DIAPH2: variants seen among roughly 807,000 people sequenced by gnomAD.
DIAPH2 encodes protein diaphanous homolog 2.
A neutral mutation model predicts 92.7 loss-of-function variants in DIAPH2; 35 were observed. The observed-to-expected ratio is 0.38, with a 90% CI of 0.29 to 0.50. DIAPH2 has a LOEUF of 0.50. Among genes scored for constraint, DIAPH2 ranks in the 20% least tolerant of loss-of-function variants. The pLI is 0.94. For synonymous variants in DIAPH2, 301 were observed against 280.4 expected, an observed-to-expected ratio of 1.07 and a Z score of -0.73; for missense variants, 701 against 819.5, an observed-to-expected ratio of 0.86 and a Z score of 1.77.
chrX:96,742,771 A>T (rs2064127782), intron 3 of DIAPH2, among the ~76,000 whole-genome samples: 1 of 108,874 alleles, frequency 9.2e-6, no homozygotes, highest in Non-Finnish European at 1.9e-5. Flanking sequence ...GGTTCAAACG[A>T]TTCTCGTGCC....
chrX:97,066,006 G>A (rs2147906774), intron 17 of DIAPH2, among the ~76,000 whole-genome samples: 1 of 112,320 alleles, frequency 8.9e-6, no homozygotes, highest in Admixed American at 9.4e-5. Context: ...TGTATTTTAA[G>A]TGTGATTACA....
chrX:97,405,065 A>C (rs7062149), intron 25 of DIAPH2, among the ~76,000 whole-genome samples: 48,813 of 110,963 alleles, frequency 0.44, 8,625 homozygotes, highest in Non-Finnish European at 0.57. Flanking sequence ...TACTGGCTGA[A>C]TCAAGGTTTT....
chrX:96,824,484 T>TA (rs1409845090), intron 4 of DIAPH2, among the ~76,000 whole-genome samples: 204 of 100,766 alleles, frequency 2.0e-3, no homozygotes, highest in African/African-American at 2.0e-3. Context: ...ACTAAGCTCT[T>TA]AAAAAAAAAA....
intron 25 of DIAPH2, among the ~76,000 whole-genome samples, chrX:97,405,029 A>G (rs371107862): frequency 8.9e-6 from 1 of 112,220 alleles, no homozygotes; most frequent in East Asian, 2.8e-4. Flanking sequence ...TAATGAGTGG[A>G]TTTATTTATT....
At chrX:97,310,969 A>AT (rs1320694072) in intron 23 of DIAPH2, among the ~76,000 whole-genome samples, 1 of 111,877 alleles carries the variant, frequency 8.9e-6, no homozygotes, top group Non-Finnish European at 1.9e-5. Flanking sequence ...AGATTGCGCC[A>AT]TTGCACTCCA....
intron 26 of DIAPH2, among the ~76,000 whole-genome samples, chrX:97,520,770 C>T (rs777081613): frequency 1.8e-5 from 2 of 111,950 alleles, no homozygotes; most frequent in East Asian, 5.6e-4. Context: ...GAAAAGAAAA[C>T]ATGTTATGTT....
chrX:96,864,618 A>G (rs1443823718), intron 4 of DIAPH2, among the ~76,000 whole-genome samples: 1 of 111,802 alleles, frequency 8.9e-6, no homozygotes, highest in Admixed American at 9.5e-5. Flanking sequence ...CTGGGTTGTT[A>G]TTCTCTGAAA....
At chrX:97,025,696 G>A (rs1188351129) in intron 17 of DIAPH2, among the ~76,000 whole-genome samples, 2 of 111,637 alleles carry the variant, frequency 1.8e-5, no homozygotes, top group African/African-American at 3.3e-5. Flanking sequence ...CAAAAAAAAA[G>A]TTACATACCC....
chrX:97,400,354 T>TG (rs1456535400), intron 25 of DIAPH2, among the ~76,000 whole-genome samples: 1 of 112,192 alleles, frequency 8.9e-6, no homozygotes, highest in Non-Finnish European at 1.9e-5. Flanking sequence ...AGTATAAAGC[T>TG]GGTTAGAAAG....
At chrX:96,687,412 G>A (rs778079923) in intron 1 of DIAPH2, among the ~76,000 whole-genome samples, 1 of 110,960 alleles carries the variant, frequency 9.0e-6, no homozygotes, top group South Asian at 3.7e-4. Context: ...CAGAATTCTG[G>A]AAAAATGGAA....
intron 20 of DIAPH2, among the ~76,000 whole-genome samples, chrX:97,108,370 A>G (rs2066956911): frequency 1.8e-5 from 2 of 112,031 alleles, no homozygotes; most frequent in Admixed American, 9.4e-5. Flanking sequence ...CCACAACTAA[A>G]TACAAACACA....
intron 4 of DIAPH2, among the ~76,000 whole-genome samples, chrX:96,876,716 C>A (rs1255596374): frequency 9.5e-6 from 1 of 104,996 alleles, no homozygotes; most frequent in Admixed American, 1.0e-4. Context: ...ACAATGAGAA[C>A]ACATGGACAC....
At chrX:97,346,596 G>A (rs1414166646) in intron 23 of DIAPH2, among the ~76,000 whole-genome samples, 1 of 111,885 alleles carries the variant, frequency 8.9e-6, no homozygotes. Context: ...TGTGACACAG[G>A]AGCCCTCAAA....
chrX:97,351,797 C>A (rs1272729639), intron 24 of DIAPH2, among the ~76,000 whole-genome samples: 1 of 110,033 alleles, frequency 9.1e-6, no homozygotes, highest in Non-Finnish European at 1.9e-5. Flanking sequence ...AGAGAGACTC[C>A]GTCTCAAAAC....
chrX:97,464,297 TAAAAAA>T (rs753355896), intron 26 of DIAPH2, among the ~76,000 whole-genome samples: 7 of 32,948 alleles, frequency 2.1e-4, no homozygotes, highest in African/African-American at 4.5e-4. Context: ...CCATCTCTAC[TAAAAAA>T]AAAAAAAAAA....
At chrX:97,361,050 CTT>C (rs1251912605) in intron 24 of DIAPH2, among the ~76,000 whole-genome samples, 1 of 91,626 alleles carries the variant, frequency 1.1e-5, no homozygotes. Context: ...TCTTCTTCTT[CTT>C]TTTTTTTTTT....
intron 22 of DIAPH2, among the ~76,000 whole-genome samples, chrX:97,205,973 C>T (rs1375244818): frequency 9.0e-6 from 1 of 111,265 alleles, no homozygotes; most frequent in Non-Finnish European, 1.9e-5. Context: ...ACTATACAGC[C>T]ATAAAAAAGA....
chrX:97,308,650 T>G (rs1196898945), intron 23 of DIAPH2, among the ~76,000 whole-genome samples: 1 of 84,741 alleles, frequency 1.2e-5, no homozygotes, highest in Non-Finnish European at 2.2e-5. Context: ...AGACGGAGTC[T>G]CGCACTGTCG....
At chrX:96,782,364 C>T (rs762955743) in intron 4 of DIAPH2, among the ~76,000 whole-genome samples, 4 of 111,200 alleles carry the variant, frequency 3.6e-5, no homozygotes, top group South Asian at 7.5e-4. Context: ...GGCGCGATCT[C>T]GGCTCACTGC....
Sources: allele counts gnomAD v4.1 joint callset (sites outside exome capture counted in the v4.1 genomes callset), GRCh38; gene constraint gnomAD v4.1.1; transcripts MANE v1.5; gene names NCBI Gene and HGNC (gene_info 2026-07-23, HGNC 2026-07-21).